The following ZNF618 variants were observed in gnomAD, a reference collection of about 807,000 sequenced individuals.
ZNF618 encodes the protein zinc finger protein 618, also known as neural precursor cell expressed, developmentally down-regulated 10.
In ZNF618, 34 loss-of-function variants were observed where a neutral mutation model predicts 103.0. The observed-to-expected ratio is 0.33, with a 90% confidence interval of 0.25 to 0.44. The LOEUF (loss-of-function observed/expected upper bound fraction) is 0.44, where lower values mean the gene tolerates loss of function less well. Among genes scored for constraint, ZNF618 ranks in the 20% least tolerant of loss-of-function variants. The pLI is 1.00. For missense variants in ZNF618, 1,059 were observed against 1,295.4 expected (o/e 0.82, Z 2.80); for synonymous variants, 551 against 542.2 (o/e 1.02, Z -0.23).
chr9:113,971,293 A>G (rs941697953), intron 2 of ZNF618, among the ~76,000 whole-genome samples: 2 of 151,990 alleles, frequency 1.3e-5, no homozygotes, highest in Admixed American at 1.3e-4. Flanking sequence ...TTGGGAGGAA[A>G]GGCCCTGCTT....
rs1846413027 is a variant in ZNF618, at chr9:114,055,392, C to T, written c.*5225C>T. 6.5e-6 allele frequency: 1 copy of T among 152,702 alleles called. No homozygotes were observed. The highest frequency in any genetic ancestry group is 2.4e-5 in the African/African-American group (1 of 41,466). 9.5% of individuals were successfully genotyped at this position (152,702 alleles called of 1,614,324 possible). A position where few individuals can be genotyped will look rare whatever the true frequency, so the allele number is the denominator to read the frequency against. The stretch of plus-strand genomic sequence containing the variant: ...GCAGGGCTGGCCCAGGCAGCTCGTC[C>T]AGGGCCATTCAGATCCCAAGCATCA... On this transcript the variant is annotated 3_prime_UTR_variant, in exon 15 of 15. Coordinates refer to ENST00000374126, the MANE Select transcript of ZNF618 (RefSeq NM_001318042.2).
In ZNF618 at chr9:113,987,116, T is replaced by C. The variant is rs116240763; in HGVS notation, c.78-1205T>C. On this transcript the variant is annotated intron_variant, in intron 2 of 14. Coordinates refer to ENST00000374126, the MANE Select transcript of ZNF618 (RefSeq NM_001318042.2). ...AGAGGCTAGCATGGCCAGGGCAGTG[T>C]CTCTGGGCCTGGAACATGACTCGAT... Among the ~76,000 whole-genome samples, 362 of 152,238 alleles carry C rather than the reference T, an allele frequency of 2.4e-3. 1 individual carries two copies. The highest frequency in any genetic ancestry group is 7.9e-3 in the African/African-American group (328 of 41,548).
intron 2 of ZNF618, among the ~76,000 whole-genome samples, 199 bp downstream of exon 2, chr9:113,969,359 GA>G (rs751579010): frequency 2.8e-4 from 42 of 152,212 alleles, no homozygotes; most frequent in Non-Finnish European, 4.3e-4. Context: ...CCTGTGACCA[GA>G]ATCCAAGGAT....
chr9:113,885,887 C>T (rs901177105), intron 1 of ZNF618, among the ~76,000 whole-genome samples: 1 of 152,144 alleles, frequency 6.6e-6, no homozygotes, highest in Non-Finnish European at 1.5e-5. Flanking sequence ...TTTTGGCTGA[C>T]AAAGCAGAAT....
At position 114,048,886 on chromosome 9, in the gene ZNF618, C is replaced by T. The variant is rs1588462245; in HGVS notation, c.1584C>T (p.Arg528=). The T allele has an allele frequency of 6.2e-7, 1 of 1,608,708 alleles. No homozygotes were observed. Among genetic ancestry groups the T allele is most frequent in the Non-Finnish European group, 8.5e-7 (1 of 1,177,444 alleles). Reference sequence around the variant, plus strand: ...CGCTGGCGCTGAAGCACCTGCCACGCATGTACAACCAGGTGAAGGTGAAAG... The same window carrying T: ...CGCTGGCGCTGAAGCACCTGCCACGTATGTACAACCAGGTGAAGGTGAAAG... ...FNTLALKHLP[R]MYNQVKVKVT... Residue 528 remains arginine (R), a synonymous_variant, in exon 15 of 15, where the codon CGC becomes CGT. Transcript: ENST00000374126.
At position 113,915,151 on chromosome 9, in the gene ZNF618, G is replaced by A. The variant is rs138511019; in HGVS notation, c.33+38738G>A. ...CTATGCATCAGGCTTTGTGCAAGGC[G>A]CTGGAGTTTGGCCTCCATGTAGCTT... On this transcript the variant is annotated intron_variant, in intron 1 of 14. Coordinates refer to ENST00000374126, the MANE Select transcript of ZNF618 (RefSeq NM_001318042.2). 1.6e-3 allele frequency among the ~76,000 whole-genome samples: 240 copies of A among 152,294 alleles called. 2 individuals carry two copies. The highest frequency in any genetic ancestry group is 5.3e-3 in the African/African-American group (222 of 41,560).
At chr9:113,964,234 G>A (rs1485768957) in intron 1 of ZNF618, among the ~76,000 whole-genome samples, 1 of 152,166 alleles carries the variant, frequency 6.6e-6, no homozygotes, top group Non-Finnish European at 1.5e-5. Context: ...CCGAGCCTCA[G>A]GCTCGGTTCT....
chr9:113,991,184 C>A (rs1840026799), intron 3 of ZNF618, among the ~76,000 whole-genome samples: 1 of 152,198 alleles, frequency 6.6e-6, no homozygotes, highest in South Asian at 2.1e-4. Flanking sequence ...GACCCGTGAG[C>A]CTCATGCCAG....
intron 3 of ZNF618, among the ~76,000 whole-genome samples, chr9:113,995,227 T>C (rs1253186595): frequency 6.6e-6 from 1 of 151,922 alleles, no homozygotes; most frequent in Non-Finnish European, 1.5e-5. Flanking sequence ...TGTACATAAA[T>C]TGAAATTGAA....
At chr9:113,994,524 GC>G (rs1564270274) in intron 3 of ZNF618, among the ~76,000 whole-genome samples, 1 of 152,224 alleles carries the variant, frequency 6.6e-6, no homozygotes, top group East Asian at 1.9e-4. Context: ...TAAGTCAAGA[GC>G]CCAGGGTTTA....
rs779538888 is a variant in ZNF618 at position 114,049,135 on chromosome 9, C to T, written c.1833C>T (p.Ile611=). 6.2e-7 allele frequency: 1 copy of T among 1,613,840 alleles called. No homozygotes were observed. Residue 611 remains isoleucine, a synonymous_variant, in exon 15 of 15, where the codon ATC becomes ATT. Transcript: ENST00000374126. ...NVLSEFVMSE[I]RTVYVTDCRV... is the part of the protein sequence containing the mutation. The stretch of plus-strand genomic sequence containing the variant: ...TGTCGGAGTTCGTGATGTCGGAGAT[C>T]AGGACAGTGTACGTGACGGATTGCC...
chr9:113,994,558 A>G (rs1416526218), intron 3 of ZNF618, among the ~76,000 whole-genome samples: 2 of 152,250 alleles, frequency 1.3e-5, no homozygotes, highest in African/African-American at 4.8e-5. Context: ...GACTTGAATA[A>G]GCCCCTTAAC....
At chr9:113,899,889 A>T (rs2131217381) in intron 1 of ZNF618, among the ~76,000 whole-genome samples, 1 of 152,278 alleles carries the variant, frequency 6.6e-6, no homozygotes, top group Middle Eastern at 3.4e-3. Context: ...TGGATATATC[A>T]GTTGCTTCCA....
In ZNF618 at chr9:114,054,203, C is replaced by CT. The variant is rs1323603134; in HGVS notation, c.*4038dup. ...AGCAAGGCCACCTGCTTCCCCTGGA[C>CT]TTGAGCTGGACTCCTTGAAGAGTGG... is the stretch of plus-strand genomic sequence containing the variant. On this transcript the variant is annotated 3_prime_UTR_variant, in exon 15 of 15. Coordinates refer to ENST00000374126, the MANE Select transcript of ZNF618 (RefSeq NM_001318042.2). 6.6e-6 allele frequency: 1 copy of CT among 152,590 alleles called. No individual in the cohort carries two copies. Among genetic ancestry groups the CT allele is most frequent in the African/African-American group, 2.4e-5 (1 of 41,462 alleles). 9.5% of individuals were successfully genotyped at this position (152,590 alleles called of 1,614,324 possible). A position where few individuals can be genotyped will look rare whatever the true frequency, so the allele number is the denominator to read the frequency against.
chr9:113,977,574 C>T (rs954000238), intron 2 of ZNF618, among the ~76,000 whole-genome samples: 1 of 152,166 alleles, frequency 6.6e-6, no homozygotes, highest in African/African-American at 2.4e-5. Context: ...CTACTCCATA[C>T]CTGTCTGTTG....
At chr9:113,915,116 T>C (rs1217225177) in intron 1 of ZNF618, among the ~76,000 whole-genome samples, 1 of 152,224 alleles carries the variant, frequency 6.6e-6, no homozygotes, top group African/African-American at 2.4e-5. Context: ...TGACCATTAT[T>C]GAGCACCTAC....
intron 1 of ZNF618, among the ~76,000 whole-genome samples, chr9:113,891,894 C>T (rs1829644945): frequency 6.6e-6 from 1 of 152,054 alleles, no homozygotes; most frequent in Non-Finnish European, 1.5e-5. Context: ...AATATTCAGC[C>T]TTAAAAATGG....
chr9:113,997,152 G>C (rs1183782602), intron 3 of ZNF618, among the ~76,000 whole-genome samples: 2 of 151,068 alleles, frequency 1.3e-5, no homozygotes, highest in African/African-American at 2.4e-5. Flanking sequence ...CTGTTGCCCA[G>C]GCTGGAGTGC....
intron 1 of ZNF618, among the ~76,000 whole-genome samples, chr9:113,924,419 TTCTTC>T (rs200802635): frequency 0.026 from 3,760 of 141,888 alleles, 41 homozygotes; most frequent in Non-Finnish European, 0.035. Flanking sequence ...CTTCTTCTTC[TTCTTC>T]TTTTTTTTTT....
Sources: allele counts gnomAD v4.1 joint callset (sites outside exome capture counted in the v4.1 genomes callset), GRCh38; gene constraint gnomAD v4.1.1; transcripts MANE v1.5; gene names NCBI Gene and HGNC (gene_info 2026-07-23, HGNC 2026-07-21).